The following GMDS variants were observed in gnomAD, a reference collection of about 807,000 sequenced individuals.
GMDS encodes GDP-mannose 4,6-dehydratase.
A neutral mutation model predicts 49.9 loss-of-function variants in GMDS; 20 were observed. The observed-to-expected ratio is 0.40, with a 90% CI of 0.28 to 0.58. The LOEUF is 0.58. Ranked by LOEUF, GMDS falls within the 20% of genes least tolerant of loss-of-function variation. The pLI is 0.42. For missense variants in GMDS, 362 were observed against 481.4 expected, an observed-to-expected ratio of 0.75 and a Z score of 2.32; for synonymous variants, 177 against 178.6, an observed-to-expected ratio of 0.99 and a Z score of 0.07.
At chr6:1,826,609 T>C (rs1771122469) in intron 7 of GMDS, among the ~76,000 whole-genome samples, 1 of 152,246 alleles carries the variant, frequency 6.6e-6, no homozygotes, top group Non-Finnish European at 1.5e-5. Flanking sequence ...TAAAATAGCC[T>C]GACTTTAATT....
At chr6:2,030,743 G>A (rs1768903845) in intron 4 of GMDS, among the ~76,000 whole-genome samples, 1 of 152,108 alleles carries the variant, frequency 6.6e-6, no homozygotes, top group Non-Finnish European at 1.5e-5. Flanking sequence ...AAGGCCGTGT[G>A]CGCTAGATAA....
chr6:2,234,845 A>G (rs1165599529), intron 1 of GMDS, among the ~76,000 whole-genome samples: 2 of 152,182 alleles, frequency 1.3e-5, no homozygotes. Context: ...CTCAGTGAGT[A>G]AATTAAAAAC....
At chr6:1,729,827 T>A (rs1379962116) in intron 8 of GMDS, among the ~76,000 whole-genome samples, 3 of 152,200 alleles carry the variant, frequency 2.0e-5, no homozygotes, top group Non-Finnish European at 4.4e-5. Flanking sequence ...AAGCATTAAA[T>A]AGCAATAGAA....
At chr6:1,815,274 T>C (rs933041516) in intron 7 of GMDS, among the ~76,000 whole-genome samples, 1 of 152,236 alleles carries the variant, frequency 6.6e-6, no homozygotes, top group African/African-American at 2.4e-5. Context: ...CAATTAGCCA[T>C]ATAAGTAAAA....
At chr6:2,004,308 T>C (rs867478320) in intron 4 of GMDS, among the ~76,000 whole-genome samples, 9 of 152,308 alleles carry the variant, frequency 5.9e-5, no homozygotes, top group Middle Eastern at 3.4e-3. Context: ...TAGTGCTTTG[T>C]GGAGATCATG....
intron 4 of GMDS, among the ~76,000 whole-genome samples, chr6:2,102,393 G>A (rs1773976896): frequency 6.6e-6 from 1 of 152,024 alleles, no homozygotes; most frequent in Non-Finnish European, 1.5e-5. Context: ...TTAATATGCT[G>A]GTTTTTAAAA....
At chr6:1,795,421 A>T (rs1769701206) in intron 7 of GMDS, among the ~76,000 whole-genome samples, 1 of 152,198 alleles carries the variant, frequency 6.6e-6, no homozygotes, top group African/African-American at 2.4e-5. Flanking sequence ...CTGAATATTC[A>T]TCCCTTTTCC....
chr6:1,794,927 T>C (rs766795785), intron 7 of GMDS, among the ~76,000 whole-genome samples: 6 of 152,222 alleles, frequency 3.9e-5, no homozygotes, highest in African/African-American at 7.2e-5. Context: ...GGCTCACCCC[T>C]GTAATCCCAG....
At chr6:2,056,852 C>T (rs1191184640) in intron 4 of GMDS, among the ~76,000 whole-genome samples, 1 of 152,106 alleles carries the variant, frequency 6.6e-6, no homozygotes, top group Non-Finnish European at 1.5e-5. Flanking sequence ...CACTTTACAC[C>T]AACCAAAAGT....
intron 7 of GMDS, among the ~76,000 whole-genome samples, chr6:1,890,624 TA>T (rs1224645299): frequency 2.6e-5 from 4 of 152,174 alleles, no homozygotes; most frequent in Admixed American, 6.6e-5. Flanking sequence ...CTTTAGGTGT[TA>T]TATATCTAAG....
intron 1 of GMDS, among the ~76,000 whole-genome samples, chr6:2,243,938 C>A (rs1781737965): frequency 7.1e-6 from 1 of 140,784 alleles, no homozygotes; most frequent in African/African-American, 2.6e-5. Flanking sequence ...TTGCTCACTG[C>A]AGCAGCCTCA....
rs185915347 is a variant in GMDS, at chr6:1,839,350, A to C, written c.771+90753T>G. ...GTAAGCAATCATCCTCCCGATTAGT[A>C]CTGGGTTAAAAACTGTAAACCACCT... On this transcript the variant is annotated intron_variant, in intron 7 of 10. Coordinates refer to ENST00000380815, the MANE Select transcript of GMDS (RefSeq NM_001500.4). Among the ~76,000 whole-genome samples the C allele has an allele frequency of 2.0e-4, 31 of 152,324 alleles. No individual in the cohort carries two copies. In the East Asian group the frequency reaches 5.8e-3, roughly 28 times the overall value.
chr6:2,027,114 A>C (rs1712734542), intron 4 of GMDS, among the ~76,000 whole-genome samples: 1 of 152,214 alleles, frequency 6.6e-6, no homozygotes, highest in South Asian at 2.1e-4. Flanking sequence ...AAATGGCTCC[A>C]TGAAGAAGAG....
At chr6:1,982,688 C>G (rs909196871) in intron 4 of GMDS, among the ~76,000 whole-genome samples, 4 of 152,128 alleles carry the variant, frequency 2.6e-5, no homozygotes, top group African/African-American at 9.7e-5. Context: ...AGGACCCCTT[C>G]AAGGAGAACT....
intron 7 of GMDS, among the ~76,000 whole-genome samples, chr6:1,882,837 G>A (rs1759425330): frequency 6.6e-6 from 1 of 152,194 alleles, no homozygotes; most frequent in Non-Finnish European, 1.5e-5. Flanking sequence ...TCCAAGTTCA[G>A]AATTCCCCGG....
intron 4 of GMDS, among the ~76,000 whole-genome samples, chr6:2,046,419 A>G (rs1307007605): frequency 6.6e-6 from 1 of 152,222 alleles, no homozygotes; most frequent in Non-Finnish European, 1.5e-5. Flanking sequence ...AAATCACAGT[A>G]TTAATTACAC....
At chr6:1,905,359 A>G (rs1453078868) in intron 7 of GMDS, among the ~76,000 whole-genome samples, 1 of 150,216 alleles carries the variant, frequency 6.7e-6, no homozygotes, top group Admixed American at 6.6e-5. Flanking sequence ...GTGCATCTGC[A>G]TGTGGGGCCA....
At chr6:1,945,507 CT>C (rs1200101765) in intron 6 of GMDS, among the ~76,000 whole-genome samples, 2 of 152,196 alleles carry the variant, frequency 1.3e-5, no homozygotes, top group Admixed American at 6.5e-5. Flanking sequence ...AAGTTTCACA[CT>C]TTTTTTTCTT....
At chr6:2,165,754 G>C (rs1367912821) in intron 1 of GMDS, among the ~76,000 whole-genome samples, 2 of 152,132 alleles carry the variant, frequency 1.3e-5, no homozygotes, top group South Asian at 2.1e-4. Flanking sequence ...TTCTCCACAG[G>C]ACTTTAAAAT....
Sources: allele counts gnomAD v4.1 joint callset (sites outside exome capture counted in the v4.1 genomes callset), GRCh38; gene constraint gnomAD v4.1.1; transcripts MANE v1.5; gene names NCBI Gene and HGNC (gene_info 2026-07-23, HGNC 2026-07-21).